The following FCHO2 variants were observed in gnomAD, a reference collection of about 807,000 sequenced individuals.
FCHO2 encodes F-BAR domain only protein 2.
A neutral mutation model predicts 114.1 loss-of-function variants in FCHO2; 43 were observed. The observed-to-expected ratio is 0.38, with a 90% CI of 0.30 to 0.49. The LOEUF (loss-of-function observed/expected upper bound fraction) is 0.49. FCHO2 is among the 20% of genes least tolerant of loss of function. The pLI, the probability that FCHO2 is intolerant of heterozygous loss-of-function variation, is 0.97. For missense variants in FCHO2, 807 were observed against 950.4 expected, an observed-to-expected ratio of 0.85 and a Z score of 1.98; for synonymous variants, 293 against 315.2, an observed-to-expected ratio of 0.93 and a Z score of 0.75.
rs773828648 is a variant in FCHO2, at chr5:73,041,277, T to C, written c.915-14T>C. The C allele has an allele frequency of 2.0e-6, 3 of 1,469,702 alleles. No individual in the cohort carries two copies. Among genetic ancestry groups the C allele is most frequent in the Admixed American group, 3.5e-5 (2 of 57,654 alleles). 91.0% of individuals were successfully genotyped at this position (1,469,702 alleles called of 1,614,324 possible). ...TTCTAATTATTGAGTATTTCTGATATTTTGTTTTAATAGGGAATGTCCTGA... is the reference window on the plus strand; with the variant it reads ...TTCTAATTATTGAGTATTTCTGATACTTTGTTTTAATAGGGAATGTCCTGA... On this transcript the variant is annotated splice_polypyrimidine_tract_variant and intron_variant, in intron 10 of 25. Transcript: ENST00000430046.
intron 22 of FCHO2, among the ~76,000 whole-genome samples, chr5:73,079,948 G>C (rs933001737): frequency 1.3e-5 from 2 of 152,124 alleles, no homozygotes; most frequent in Admixed American, 6.5e-5. Context: ...TTTTAATCTT[G>C]AAGTACAGAA....
intron 7 of FCHO2, 47 bp downstream of exon 7, chr5:73,015,771 A>G (rs145815990): frequency 0.016 from 18,318 of 1,161,296 alleles, 174 homozygotes; most frequent in Middle Eastern, 0.037. Context: ...AAATTTGTTT[A>G]TTTATAGCTC....
At chr5:73,032,141 C>T (rs1315725910) in intron 8 of FCHO2, among the ~76,000 whole-genome samples, 1 of 152,212 alleles carries the variant, frequency 6.6e-6, no homozygotes, top group Non-Finnish European at 1.5e-5. Context: ...TCAACTGGCA[C>T]TGAGCCAGGC....
At chr5:73,083,752 C>T (rs1213910322) in intron 24 of FCHO2, among the ~76,000 whole-genome samples, 4 of 152,060 alleles carry the variant, frequency 2.6e-5, no homozygotes, top group African/African-American at 4.8e-5. Flanking sequence ...ATTAGCTGGG[C>T]GTCATGGTGC....
intron 1 of FCHO2, among the ~76,000 whole-genome samples, chr5:72,964,860 A>C (rs1752104231): frequency 6.6e-6 from 1 of 152,164 alleles, no homozygotes; most frequent in Admixed American, 6.5e-5. Context: ...GAAAATATTA[A>C]ATGGAAAATT....
chr5:73,076,228 A>G (rs1382274923), intron 20 of FCHO2, among the ~76,000 whole-genome samples: 4 of 152,148 alleles, frequency 2.6e-5, no homozygotes, highest in African/African-American at 9.7e-5. Context: ...GGTGACATTC[A>G]CAAGAAGGAT....
intron 1 of FCHO2, among the ~76,000 whole-genome samples, chr5:72,957,558 A>G (rs1183596414): frequency 6.6e-6 from 1 of 152,238 alleles, no homozygotes; most frequent in African/African-American, 2.4e-5. Context: ...TTTATGGTCA[A>G]ATAATATTCC....
chr5:73,073,126 A>G (rs1390985308), intron 19 of FCHO2, among the ~76,000 whole-genome samples: 1 of 151,942 alleles, frequency 6.6e-6, no homozygotes, highest in African/African-American at 2.4e-5. Flanking sequence ...TTTTCACTTG[A>G]TATTTTCTTG....
intron 2 of FCHO2, among the ~76,000 whole-genome samples, chr5:72,988,741 C>T (rs1753668658): frequency 6.6e-6 from 1 of 152,172 alleles, no homozygotes; most frequent in Non-Finnish European, 1.5e-5. Flanking sequence ...ATGTGCATCA[C>T]AGTGTTGAAG....
chr5:73,074,805 C>T lies in FCHO2; in HGVS notation c.1643C>T (p.Ala548Val), dbSNP rs903521945. 1.2e-6 allele frequency: 2 copies of T among 1,612,790 alleles called. No individual in the cohort carries two copies. The highest frequency in any genetic ancestry group is 2.7e-5 in the African/African-American group (2 of 74,850). Residue 548 changes from alanine (A) to valine (V), a missense_variant, in exon 20 of 26, where the codon GCC (alanine) becomes GTC (valine). By Grantham distance (64) the Ala-to-Val change is moderately conservative (BLOSUM62 0). Transcript: ENST00000430046. ...CAGGATACCTTACCTGTGGCAGTTG[C>T]CCTTACAGAATCTGTTAATGCCTAC... ...GNQDTLPVAV[A>V]LTESVNAYFK...
chr5:73,044,368 A>G (rs1756956943), intron 11 of FCHO2, among the ~76,000 whole-genome samples: 1 of 152,156 alleles, frequency 6.6e-6, no homozygotes, highest in Admixed American at 6.5e-5. Context: ...CCTCCTGAGT[A>G]GCTGGGAACA....
intron 2 of FCHO2, among the ~76,000 whole-genome samples, chr5:72,978,412 C>T (rs545842090): frequency 1.2e-4 from 18 of 152,138 alleles, no homozygotes; most frequent in African/African-American, 4.3e-4. Flanking sequence ...CTCTGTTTGT[C>T]TATTATTGGT....
Position 73,012,603 on chromosome 5 carries a change from G to A in FCHO2, c.601-3023G>A, listed in dbSNP as rs961928831. On this transcript the variant is annotated intron_variant, in intron 6 of 25. Transcript: ENST00000430046. ...CACTGCACTCCAGCCTGGCGACAGA[G>A]CGAGACTCCGTCTCAAAAAAAAAAA... 2.9e-5 allele frequency among the ~76,000 whole-genome samples: 4 copies of A among 139,784 alleles called. No individual in the cohort carries two copies. The Admixed American group carries it at 2.9e-4, about 10-fold the overall frequency. The allele number at this position is 139,784 out of a possible 152,430, so 91.7% of individuals were successfully genotyped here. A position where few individuals can be genotyped will look rare whatever the true frequency, so the allele number is the denominator to read the frequency against.
chr5:73,020,007 A>G (rs1755531834), intron 8 of FCHO2, among the ~76,000 whole-genome samples: 1 of 152,172 alleles, frequency 6.6e-6, no homozygotes, highest in Admixed American at 6.5e-5. Context: ...CAGCCCTTTG[A>G]TGACAGAGTA....
At chr5:73,028,170 C>T (rs924872116) in intron 8 of FCHO2, among the ~76,000 whole-genome samples, 11 of 152,082 alleles carry the variant, frequency 7.2e-5, no homozygotes, top group Non-Finnish European at 1.6e-4. Flanking sequence ...GCACTCCAGC[C>T]TGGGTGACAG....
chr5:73,003,136 C>T (rs184457409), intron 5 of FCHO2, among the ~76,000 whole-genome samples: 1 of 152,070 alleles, frequency 6.6e-6, no homozygotes, highest in East Asian at 1.9e-4. Flanking sequence ...TCTTGAGTAG[C>T]TGGGACCACA....
At chr5:73,044,396 GC>G (rs1228245527) in intron 11 of FCHO2, among the ~76,000 whole-genome samples, 1 of 152,050 alleles carries the variant, frequency 6.6e-6, no homozygotes, top group Non-Finnish European at 1.5e-5. Flanking sequence ...ATGCCACCAT[GC>G]CTGGCTATGT....
chr5:72,974,274 C>T lies in FCHO2; in HGVS notation c.125+5685C>T, dbSNP rs1182725272. Among the ~76,000 whole-genome samples the T allele has an allele frequency of 1.5e-5, 2 of 133,198 alleles. 1 individual carries two copies. Among genetic ancestry groups the T allele is most frequent in the Non-Finnish European group, 3.3e-5 (2 of 59,842 alleles). The allele number at this position is 133,198 out of a possible 152,430, so 87.4% of individuals were successfully genotyped here. On this transcript the variant is annotated intron_variant, in intron 2 of 25. Transcript: ENST00000430046. ...GGGTATCCTTGTTGACTTTCTGTCT[C>T]GTTGATCTTTCTAATGTTGACAGTG...
At chr5:73,037,781 A>G (rs1031097014) in intron 10 of FCHO2, 4 of 335,320 alleles carry the variant, frequency 1.2e-5, no homozygotes, top group Admixed American at 3.8e-5. Context: ...TTTGAGATGG[A>G]GTTTCACTGT....
Sources: gnomAD v4.1 joint callset for allele counts (sites outside exome capture counted in the v4.1 genomes callset) on GRCh38, gnomAD v4.1.1 for gene constraint, MANE v1.5 for transcripts, NCBI Gene and HGNC (gene_info 2026-07-23, HGNC 2026-07-21) for gene names.